Variants in SUSD4 observed in about 807,000 individuals in gnomAD.
SUSD4 encodes sushi domain-containing protein 4.
SUSD4 carries 41 observed loss-of-function variants against 50.5 expected under a neutral mutation model. The ratio of observed to expected loss-of-function variants is 0.81; its 90% CI spans 0.63 to 1.05. The LOEUF (loss-of-function observed/expected upper bound fraction) is 1.05. SUSD4 is among the 50% of genes least tolerant of loss of function. SUSD4 has a pLI of 0.00. For missense variants in SUSD4, 580 were observed against 634.7 expected (o/e 0.91, Z 0.93); for synonymous variants, 257 against 257.3 (o/e 1.00, Z 0.01).
At chr1:223,290,730 GC>G (rs1444675381) in intron 3 of SUSD4, among the ~76,000 whole-genome samples, 1 of 145,966 alleles carries the variant, frequency 6.9e-6, no homozygotes, top group Non-Finnish European at 1.5e-5. Context: ...TACAATAGAA[GC>G]CCCCTACTCT....
rs146718905 is a variant in SUSD4, at chr1:223,261,810, TAAC to T, written c.724+2817_724+2819del. 5.1e-3 allele frequency among the ~76,000 whole-genome samples: 782 copies of T among 152,340 alleles called. 42 individuals carry two copies. The East Asian group carries it at 0.11, about 22-fold the overall frequency. Reference sequence around the variant, plus strand: ...TTATATAAAACTCTTAGTGCATTAATAACAACAGACAAGTGATTGACCACATAC... The same window carrying T: ...TTATATAAAACTCTTAGTGCATTAATAACAGACAAGTGATTGACCACATAC... On this transcript the variant is annotated intron_variant, in intron 5 of 8. Coordinates refer to ENST00000366878, the MANE Select transcript of SUSD4 (RefSeq NM_017982.4).
intron 2 of SUSD4, among the ~76,000 whole-genome samples, chr1:223,350,165 T>C (rs1668276304): frequency 6.6e-6 from 1 of 152,186 alleles, no homozygotes; most frequent in Non-Finnish European, 1.5e-5. Context: ...TTAATTTCCA[T>C]CGTTTAAGTC....
chr1:223,304,447 C>T (rs1485011718), intron 2 of SUSD4, among the ~76,000 whole-genome samples: 2 of 152,030 alleles, frequency 1.3e-5, no homozygotes, highest in East Asian at 3.9e-4. Context: ...AGGGTCTTGA[C>T]CAGCACCCTT....
chr1:223,362,241 TTTTTCA>T (rs1334661687), intron 2 of SUSD4, among the ~76,000 whole-genome samples: 16 of 152,192 alleles, frequency 1.1e-4, no homozygotes, highest in African/African-American at 3.8e-4. Flanking sequence ...CTTTTGCTAA[TTTTTCA>T]CTCATTTTTT....
chr1:223,245,087 G>C (rs1015264786), intron 5 of SUSD4, among the ~76,000 whole-genome samples: 1 of 152,046 alleles, frequency 6.6e-6, no homozygotes, highest in Non-Finnish European at 1.5e-5. Context: ...CAAATAAATA[G>C]AGAAATCAAT....
chr1:223,302,783 C>T (rs569080822), intron 2 of SUSD4, among the ~76,000 whole-genome samples: 3 of 152,234 alleles, frequency 2.0e-5, no homozygotes, highest in East Asian at 1.9e-4. Flanking sequence ...AGGAGATGCC[C>T]GCGTGGGCCA....
At chr1:223,228,922 C>T (rs762488570) in intron 6 of SUSD4, among the ~76,000 whole-genome samples, 1 of 151,514 alleles carries the variant, frequency 6.6e-6, no homozygotes, top group Non-Finnish European at 1.5e-5. Context: ...CAGGTTAATA[C>T]TCCTGACCCT....
chr1:223,299,343 T>G (rs891647310), intron 2 of SUSD4, among the ~76,000 whole-genome samples: 1 of 152,192 alleles, frequency 6.6e-6, no homozygotes, highest in Non-Finnish European at 1.5e-5. Context: ...TTCCTCCCCA[T>G]TCTTCATATT....
chr1:223,290,020 T>C (rs917169802), intron 3 of SUSD4, among the ~76,000 whole-genome samples: 4 of 152,210 alleles, frequency 2.6e-5, no homozygotes, highest in Non-Finnish European at 5.9e-5. Context: ...TCTTATAGAA[T>C]TGTTGTGCAT....
chr1:223,287,352 C>T (rs1664213164), intron 3 of SUSD4, among the ~76,000 whole-genome samples: 1 of 152,194 alleles, frequency 6.6e-6, no homozygotes, highest in African/African-American at 2.4e-5. Context: ...ACTGGGATTA[C>T]AGGCGTGAGC....
At chr1:223,268,699 A>G (rs761374922) in intron 3 of SUSD4, 24 bp from the exon 4 acceptor site, 46 of 1,598,206 alleles carry the variant, frequency 2.9e-5, no homozygotes, top group Non-Finnish European at 3.2e-5. Context: ...AAAGGTACAC[A>G]TTATTTTTGG....
At chr1:223,357,394 A>G (rs554778862) in intron 2 of SUSD4, among the ~76,000 whole-genome samples, 30 of 152,348 alleles carry the variant, frequency 2.0e-4, no homozygotes, top group South Asian at 2.1e-4. Flanking sequence ...AAAAAAATGT[A>G]TTTAGGGATT....
intron 3 of SUSD4, among the ~76,000 whole-genome samples, chr1:223,269,944 G>T (rs552713134): frequency 6.6e-6 from 1 of 152,298 alleles, no homozygotes; most frequent in South Asian, 2.1e-4. Context: ...GAAGGGAAAT[G>T]CTGTGGCTAG....
intron 2 of SUSD4, among the ~76,000 whole-genome samples, chr1:223,343,474 G>A (rs1249356066): frequency 6.6e-6 from 1 of 152,118 alleles, no homozygotes; most frequent in African/African-American, 2.4e-5. Context: ...TATAGGGTAT[G>A]CACAAAATAG....
chr1:223,282,144 C>T (rs552592120), intron 3 of SUSD4, among the ~76,000 whole-genome samples: 1 of 152,130 alleles, frequency 6.6e-6, no homozygotes, highest in African/African-American at 2.4e-5. Context: ...ACTGAATGGG[C>T]AAAAAGTGGA....
intron 3 of SUSD4, among the ~76,000 whole-genome samples, chr1:223,283,300 C>T (rs547208158): frequency 1.3e-5 from 2 of 152,212 alleles, no homozygotes; most frequent in Non-Finnish European, 2.9e-5. Flanking sequence ...AGGCAACCTA[C>T]AGAATGGGAG....
At position 223,231,128 on chromosome 1, in the gene SUSD4, G is replaced by A. The variant is rs749436046; in HGVS notation, c.725-1740C>T. On this transcript the variant is annotated intron_variant, in intron 5 of 8. Transcript: ENST00000366878. This position sits in a 1 kb window ranked among gnomAD's most constrained non-coding sequence, Gnocchi z 4.2. ...GTGGAACCATGGAGGTCTATCCCGC[G>A]GGAACTGGAGCCCGGGGAAACTCAG... 3.3e-5 allele frequency among the ~76,000 whole-genome samples: 5 copies of A among 152,182 alleles called. No individual in the cohort carries two copies. In the East Asian group the frequency reaches 9.7e-4, roughly 29 times the overall value.
intron 5 of SUSD4, chr1:223,263,584 G>T: frequency 1.0e-6 from 1 of 985,336 alleles, no homozygotes; most frequent in South Asian, 4.7e-5. Flanking sequence ...AAACCAATGG[G>T]AAGGGCTGGC....
chr1:223,348,766 G>A (rs180757051), intron 2 of SUSD4, among the ~76,000 whole-genome samples: 5 of 152,134 alleles, frequency 3.3e-5, no homozygotes, highest in Admixed American at 2.6e-4. Flanking sequence ...AACAGTTTAG[G>A]TACAGACTTA....
Sources: allele counts gnomAD v4.1 joint callset (sites outside exome capture counted in the v4.1 genomes callset), GRCh38; gene constraint gnomAD v4.1.1; non-coding constraint Gnocchi (gnomAD v3.1); transcripts MANE v1.5; gene names NCBI Gene and HGNC (gene_info 2026-07-23, HGNC 2026-07-21).